The following PPIL2 variants were observed in gnomAD, a reference collection of about 807,000 sequenced individuals.
PPIL2 encodes RING-type E3 ubiquitin-protein ligase PPIL2.
PPIL2 carries 50 observed loss-of-function variants against 75.2 expected under a neutral mutation model. The ratio of observed to expected loss-of-function variants is 0.66; its 90% CI spans 0.53 to 0.84. The LOEUF is 0.84. Among genes scored for constraint, PPIL2 ranks in the 40% least tolerant of loss-of-function variants. The probability of loss-of-function intolerance (pLI) is 0.00; values close to 1 mark genes in which losing one functional copy is unlikely to be tolerated. For missense variants in PPIL2, 590 were observed against 685.0 expected, an observed-to-expected ratio of 0.86 and a Z score of 1.55; for synonymous variants, 245 against 258.8, an observed-to-expected ratio of 0.95 and a Z score of 0.51.
chr22:21,696,233 CCCTGCTCA>C lies in PPIL2; in HGVS notation c.*751_*758del. On this transcript the variant is annotated 3_prime_UTR_variant, in exon 20 of 20. Transcript: ENST00000398831. ...CCGTGCCCTGCCTGAGCTCTCAGGG[CCCTGCTCA>C]CCTGCTCTGGCTGTGAACCACCTGG... 6.9e-6 allele frequency: 7 copies of C among 1,012,288 alleles called. No individual in the cohort carries two copies. Among genetic ancestry groups the C allele is most frequent in the Non-Finnish European group, 8.3e-6 (7 of 845,504 alleles). The allele number at this position is 1,012,288 out of a possible 1,614,324, so 62.7% of individuals were successfully genotyped here.
At chr22:21,681,510 A>T in intron 7 of PPIL2, 120 bp downstream of exon 7, 1 of 851,850 alleles carries the variant, frequency 1.2e-6, no homozygotes, top group Non-Finnish European at 1.9e-6. Flanking sequence ...GTTTACAGTC[A>T]CAGCCACAGG....
chr22:21,676,364 A>G (rs73382377), intron 6 of PPIL2, among the ~76,000 whole-genome samples: 2,279 of 134,094 alleles, frequency 0.017, 25 homozygotes, highest in South Asian at 0.039. Context: ...TTATTTCTCC[A>G]AACCTCTTTT....
chr22:21,683,106 C>T, intron 8 of PPIL2, 76 bp from the exon 9 acceptor site: 2 of 1,261,050 alleles, frequency 1.6e-6, no homozygotes, highest in East Asian at 2.3e-5. Flanking sequence ...TGACAGCTGG[C>T]CGTCCTTTGC....
Position 21,685,551 on chromosome 22 carries a change from G to T in PPIL2, c.714+638G>T, listed in dbSNP as rs1295121822. 16 of 382,450 alleles carry T rather than the reference G, an allele frequency of 4.2e-5. No homozygotes were observed. The Admixed American group carries it at 6.0e-4, about 14-fold the overall frequency. The allele number at this position is 382,450 out of a possible 1,614,324, so 23.7% of individuals were successfully genotyped here. On this transcript the variant is annotated intron_variant, in intron 10 of 19. Coordinates refer to ENST00000398831, the MANE Select transcript of PPIL2 (RefSeq NM_014337.4). ...TTCAAATTCTGGAAAATTTGAAAAA[G>T]AAAGCTTGTTGTCCAGTGTGTCACT...
chr22:21,697,262 C>T lies in PPIL2; in HGVS notation c.*1772C>T, dbSNP rs965607789. 1.3e-4 allele frequency: 56 copies of T among 439,912 alleles called. No individual in the cohort carries two copies. The highest frequency in any genetic ancestry group is 1.3e-3 in the Middle Eastern group (2 of 1,540). 27.3% of individuals were successfully genotyped at this position (439,912 alleles called of 1,614,324 possible). On this transcript the variant is annotated 3_prime_UTR_variant, in exon 20 of 20. Transcript: ENST00000398831. Reference sequence around the variant, plus strand: ...TGAGCCAGCGTCCAGGGTACAGGTGCGGGTGGTGGGGATGAAGGCCTGACC... The same window carrying T: ...TGAGCCAGCGTCCAGGGTACAGGTGTGGGTGGTGGGGATGAAGGCCTGACC...
At chr22:21,695,314 G>A (rs992899044) in intron 19 of PPIL2, 80 bp from the exon 20 acceptor site, 1 of 1,489,738 alleles carries the variant, frequency 6.7e-7, no homozygotes, top group Admixed American at 2.0e-5. Context: ...GCCTACACCG[G>A]GAGGGCTGTA....
At chr22:21,684,124 T>C (rs1327097448) in intron 9 of PPIL2, among the ~76,000 whole-genome samples, 9 of 150,272 alleles carry the variant, frequency 6.0e-5, no homozygotes, top group Non-Finnish European at 1.3e-4. Context: ...GGAGAATCGA[T>C]TGAGCCCAGG....
intron 4 of PPIL2, 147 bp downstream of exon 4, chr22:21,671,206 G>C: frequency 1.2e-6 from 1 of 845,470 alleles, no homozygotes; most frequent in Non-Finnish European, 2.0e-6. Context: ...ATGCTGCTGT[G>C]ACCCTTGGGC....
At chr22:21,676,698 G>A (rs1337517725) in intron 6 of PPIL2, among the ~76,000 whole-genome samples, 1 of 108,818 alleles carries the variant, frequency 9.2e-6, no homozygotes, top group Non-Finnish European at 2.1e-5. Context: ...TAGATCAACA[G>A]CATCCCAAGG....
chr22:21,672,187 G>A (rs1569019988), intron 4 of PPIL2, 143 bp from the exon 5 acceptor site: 21 of 653,066 alleles, frequency 3.2e-5, no homozygotes, highest in Middle Eastern at 4.2e-4. Flanking sequence ...CCTGAGACAA[G>A]ATGAGGAGCT....
chr22:21,694,729 G>C (rs769628084), intron 17 of PPIL2, 26 bp from the exon 18 acceptor site: 27 of 1,611,132 alleles, frequency 1.7e-5, no homozygotes, highest in Non-Finnish European at 2.2e-5. Context: ...AGGACCTGCC[G>C]TGCACTGAGC....
rs142984168 is a variant in PPIL2, at chr22:21,694,808, C to T, written c.1323C>T (p.Ala441=). The T allele has an allele frequency of 2.6e-5, 41 of 1,601,504 alleles. No individual in the cohort carries two copies. Among genetic ancestry groups the T allele is most frequent in the African/African-American group, 1.5e-4 (11 of 74,722 alleles). Residue 441 remains alanine, a synonymous_variant, in exon 18 of 20, where the codon GCC becomes GCT. Coordinates refer to ENST00000398831, the MANE Select transcript of PPIL2 (RefSeq NM_014337.4). The part of the protein sequence containing the change: ...TTVFVDPYEE[A]DAQIAQERKT... Reference sequence around the variant, plus strand: ...TGTTCGTGGACCCCTATGAGGAGGCCGATGCCCAGGTGAGGGGGCACGATG... The same window carrying T: ...TGTTCGTGGACCCCTATGAGGAGGCTGATGCCCAGGTGAGGGGGCACGATG...
chr22:21,674,412 C>A (rs576908202), intron 5 of PPIL2, among the ~76,000 whole-genome samples: 1 of 152,326 alleles, frequency 6.6e-6, no homozygotes, highest in Admixed American at 6.5e-5. Flanking sequence ...AAATAGAGTC[C>A]CATCTTCCCA....
chr22:21,687,665 T>TC lies in PPIL2; in HGVS notation c.921dup (p.Ile308HisfsTer98). The TC allele has an allele frequency of 6.3e-7, 1 of 1,576,492 alleles. No homozygotes were observed. ...CAGACACCAAAAACCTGCGAAAACT[T>TC]CATCAGGCTTTGCAAGAAGCATTAT... is the stretch of plus-strand genomic sequence containing the variant. On this transcript the variant is annotated frameshift_variant, in exon 13 of 20. Coordinates refer to ENST00000398831, the MANE Select transcript of PPIL2 (RefSeq NM_014337.4). LOFTEE classifies it high-confidence loss of function.
intron 12 of PPIL2, 135 bp downstream of exon 12, chr22:21,687,133 C>A: frequency 1.2e-6 from 1 of 817,038 alleles, no homozygotes; most frequent in Non-Finnish European, 2.0e-6. Flanking sequence ...GCGGGACCCG[C>A]AGCAGTGCCC....
Position 21,683,218 on chromosome 22 carries a change from T to C in PPIL2, c.514T>C (p.Phe172Leu), listed in dbSNP as rs751829979. 8 of 1,613,686 alleles carry C rather than the reference T, an allele frequency of 5.0e-6. No homozygotes were observed. In the East Asian group the frequency reaches 1.8e-4, roughly 36 times the overall value. Reference protein sequence around the residue: ...TNLDKFNVSNFYHVKNNMKII... With the variant: ...TNLDKFNVSNLYHVKNNMKII... ...TTTGGACAAGTTCAATGTCTCTAAC[T>C]TCTATCATGTGAAGAATAACATGAA... Residue 172 changes from phenylalanine (F) to leucine (L), a missense_variant, in exon 9 of 20, where the codon TTC becomes CTC. Physicochemically the swap from Phe to Leu is conservative, Grantham distance 22. Coordinates refer to ENST00000398831, the MANE Select transcript of PPIL2 (RefSeq NM_014337.4).
intron 3 of PPIL2, 43 bp from the exon 4 acceptor site, chr22:21,670,954 C>G (rs772842036): frequency 3.0e-5 from 46 of 1,547,674 alleles, no homozygotes; most frequent in African/African-American, 4.1e-5. Context: ...ACATCCTGAC[C>G]AGGGTGCGTG....
chr22:21,687,219 C>T (rs992014092), intron 12 of PPIL2, among the ~76,000 whole-genome samples: 14 of 152,134 alleles, frequency 9.2e-5, no homozygotes, highest in African/African-American at 3.4e-4. Flanking sequence ...GGGGCCAAGC[C>T]GCACCTGCTG....
chr22:21,689,601 G>T (rs1177413074), intron 15 of PPIL2, among the ~76,000 whole-genome samples: 4 of 145,744 alleles, frequency 2.7e-5, no homozygotes, highest in African/African-American at 1.0e-4. Context: ...AGATTTTTTT[G>T]GGTTTTCTAG....
Sources: allele counts gnomAD v4.1 joint callset (sites outside exome capture counted in the v4.1 genomes callset), GRCh38; gene constraint gnomAD v4.1.1; transcripts MANE v1.5; gene names NCBI Gene and HGNC (gene_info 2026-07-23, HGNC 2026-07-21).